Variants in RGPD1 observed in about 807,000 individuals in gnomAD.
RGPD1 encodes RANBP2-like and GRIP domain-containing protein 1.
A neutral mutation model predicts 40.6 loss-of-function variants in RGPD1; 7 were observed. The ratio of observed to expected loss-of-function variants is 0.17; its 90% CI spans 0.10 to 0.32. RGPD1 has a LOEUF of 0.32. Among genes scored for constraint, RGPD1 ranks in the 10% least tolerant of loss-of-function variants. The pLI, the probability that RGPD1 is intolerant of heterozygous loss-of-function variation, is 1.00. For synonymous variants in RGPD1, 24 were observed against 167.0 expected (o/e 0.14, Z 6.60); for missense variants, 50 against 472.5 (o/e 0.11, Z 8.29).
intron 1 of RGPD1, among the ~76,000 whole-genome samples, chr2:86,928,498 A>C (rs1678668940): frequency 6.6e-6 from 1 of 152,076 alleles, no homozygotes; most frequent in Non-Finnish European, 1.5e-5. Context: ...AATGAGTAGT[A>C]TGGTAAATGA....
At chr2:86,943,156 G>A (rs1261944813) in intron 1 of RGPD1, among the ~76,000 whole-genome samples, 2 of 151,208 alleles carry the variant, frequency 1.3e-5, no homozygotes, top group Admixed American at 1.3e-4. Context: ...ATCTCAGCAC[G>A]GACATTTGCA....
chr2:86,942,250 A>T lies in RGPD1; in HGVS notation c.14A>T (p.Lys5Met). Residue 5 changes from lysine to methionine, a missense_variant, in exon 1 of 23, where the codon AAG becomes ATG. Lys to Met is a moderately conservative substitution (Grantham distance 95). Transcript: ENST00000641458. ...GTTGGCGGTGCGATGAGGCGCAGCA[A>T]GGCCTACGGGGAGCGGTACGTCGCC... The part of the protein sequence containing the change: MRRS[K>M]AYGERYVASV... 5 of 1,606,760 alleles carry T rather than the reference A, an allele frequency of 3.1e-6. No individual in the cohort carries two copies. The highest frequency in any genetic ancestry group is 3.4e-6 in the Non-Finnish European group (4 of 1,177,642).
intron 7 of RGPD1, among the ~76,000 whole-genome samples, chr2:86,967,265 A>ATATAC (rs1314233573): frequency 2.3e-3 from 45 of 19,194 alleles, no homozygotes; most frequent in African/African-American, 5.1e-3. Context: ...AAAGAATTAT[A>ATATAC]TATACATGGT....
In RGPD1 at chr2:86,930,499, G is replaced by T. The variant is rs891658438; in HGVS notation, c.72+16578G>T. 4 of 1,505,684 alleles carry T rather than the reference G, an allele frequency of 2.7e-6. No homozygotes were observed. The African/African-American group carries it at 4.2e-5, about 16-fold the overall frequency. The allele number at this position is 1,505,684 out of a possible 1,614,324, so 93.3% of individuals were successfully genotyped here. On this transcript the variant is annotated intron_variant, in intron 1 of 22. Transcript: ENST00000398193. ...TTGATTTCACGCTGCCGCTGCTGTT[G>T]TTGCAGCCTGAGTTTAGCTCGTCGG...
rs368823687 is a variant in RGPD1, at chr2:86,923,102, G to A, written c.72+9181G>A. Among the ~76,000 whole-genome samples the A allele has an allele frequency of 7.5e-5, 10 of 132,724 alleles. No individual in the cohort carries two copies. The East Asian group carries it at 1.1e-3, about 15-fold the overall frequency. 87.1% of individuals were successfully genotyped at this position (132,724 alleles called of 152,430 possible). A position where few individuals can be genotyped will look rare whatever the true frequency, so the allele number is the denominator to read the frequency against. On this transcript the variant is annotated intron_variant, in intron 1 of 22. Transcript: ENST00000398193. ...TGCCCGGGATGGAGTGCAGTGGCAC[G>A]ATCTGAGCTCACTGCAATCTCCGCC...
intron 4 of RGPD1, among the ~76,000 whole-genome samples, chr2:86,957,017 AG>A (rs1275185030): frequency 1.4e-5 from 2 of 147,668 alleles, no homozygotes; most frequent in Non-Finnish European, 3.0e-5. Flanking sequence ...GAGGTGATTA[AG>A]GAACTGAGTA....
intron 1 of RGPD1, among the ~76,000 whole-genome samples, chr2:86,944,896 T>C (rs530613119): frequency 6.6e-6 from 1 of 151,912 alleles, no homozygotes; most frequent in African/African-American, 2.4e-5. Context: ...CTTTTTTCTT[T>C]AATGTAGAGA....
chr2:86,920,045 T>C (rs1293662631), intron 1 of RGPD1, among the ~76,000 whole-genome samples: 3 of 152,048 alleles, frequency 2.0e-5, no homozygotes, highest in Non-Finnish European at 4.4e-5. Context: ...AAAAATCTTA[T>C]GGGAAAATAG....
chr2:86,913,940 G>C (rs1208553616), intron 1 of RGPD1: 5 of 1,427,140 alleles, frequency 3.5e-6, no homozygotes, highest in East Asian at 3.1e-5. Context: ...ATCTCGAAGA[G>C]ACCGACGGCC....
intron 1 of RGPD1, among the ~76,000 whole-genome samples, chr2:86,928,833 C>G (rs1439942324): frequency 6.6e-6 from 1 of 151,932 alleles, no homozygotes; most frequent in Non-Finnish European, 1.5e-5. Context: ...TGAATGATAC[C>G]ACTCAAGGTA....
chr2:86,939,587 A>T, upstream of RGPD1, among the ~76,000 whole-genome samples: 1 of 139,926 alleles, frequency 7.1e-6, no homozygotes, highest in Non-Finnish European at 1.5e-5. Context: ...TCAAAAAAAA[A>T]AAAAAAGAAA....
upstream of RGPD1, chr2:86,942,104 A>G (rs530062435): frequency 1.5e-3 from 1,857 of 1,260,548 alleles, 29 homozygotes; most frequent in African/African-American, 0.025. Flanking sequence ...GTGCTGACGC[A>G]GTACACAAGT....
chr2:86,945,351 G>C (rs1277844025), intron 1 of RGPD1, among the ~76,000 whole-genome samples: 1 of 152,070 alleles, frequency 6.6e-6, no homozygotes, highest in East Asian at 1.9e-4. Context: ...TGTAAAGTTA[G>C]GTTTGAGTGA....
intron 1 of RGPD1, among the ~76,000 whole-genome samples, chr2:86,945,265 A>G (rs1020175277): frequency 2.6e-5 from 4 of 151,854 alleles, no homozygotes; most frequent in Non-Finnish European, 5.9e-5. Context: ...ATTTAAAGTC[A>G]TTTACATTAG....
At chr2:86,978,187 C>T (rs1384436144) in intron 17 of RGPD1, among the ~76,000 whole-genome samples, 5 of 105,450 alleles carry the variant, frequency 4.7e-5, no homozygotes, top group Non-Finnish European at 7.8e-5. Flanking sequence ...TAGCCTGCCA[C>T]GAAGCCAGGA....
chr2:86,978,127 T>C (rs1681345796), intron 17 of RGPD1, among the ~76,000 whole-genome samples, 196 bp downstream of exon 17: 1 of 121,106 alleles, frequency 8.3e-6, no homozygotes, highest in Admixed American at 7.6e-5. Flanking sequence ...AGTGGTATGA[T>C]CACAGCTTAC....
rs563062995 is a variant in RGPD1, at chr2:86,925,862, G to T, written c.72+11941G>T. On this transcript the variant is annotated intron_variant, in intron 1 of 22. Transcript: ENST00000398193. The stretch of plus-strand genomic sequence containing the variant: ...TGGGATTACAGGCGTGAGCCACCAC[G>T]CCTGGCCTTGTACATGTTATATAGT... Among the ~76,000 whole-genome samples the T allele has an allele frequency of 1.5e-3, 235 of 152,194 alleles. 1 individual carries two copies. Among genetic ancestry groups the T allele is most frequent in the South Asian group, 8.7e-3 (42 of 4,806 alleles).
At chr2:86,943,148 C>A (rs1406145452) in intron 1 of RGPD1, among the ~76,000 whole-genome samples, 2 of 151,230 alleles carry the variant, frequency 1.3e-5, no homozygotes, top group African/African-American at 4.9e-5. Flanking sequence ...ACGTAGGCAT[C>A]TCAGCACGGA....
At chr2:86,938,980 A>T (rs1383525252), upstream of RGPD1, among the ~76,000 whole-genome samples, 3 of 119,292 alleles carry the variant, frequency 2.5e-5, no homozygotes, top group Admixed American at 8.8e-5. Context: ...AATGTAGTGC[A>T]ATAAAATGAG....
Sources: allele counts gnomAD v4.1 joint callset (sites outside exome capture counted in the v4.1 genomes callset), GRCh38; gene constraint gnomAD v4.1.1; transcripts MANE v1.5; gene names NCBI Gene and HGNC (gene_info 2026-07-23, HGNC 2026-07-21).